CSNK2A1: variants seen among roughly 807,000 people sequenced by gnomAD.
The protein encoded by CSNK2A1 is casein kinase 2 alpha 1.
CSNK2A1 carries 10 observed loss-of-function variants against 62.9 expected under a neutral mutation model. That is an observed-to-expected ratio of 0.16 (90% CI 0.10 to 0.27). CSNK2A1 has a LOEUF of 0.27. Among genes scored for constraint, CSNK2A1 ranks in the 10% least tolerant of loss-of-function variants. CSNK2A1 has a pLI of 1.00. For synonymous variants in CSNK2A1, 124 were observed against 167.8 expected, an observed-to-expected ratio of 0.74 and a Z score of 2.02; for missense variants, 160 against 492.0, an observed-to-expected ratio of 0.33 and a Z score of 6.38.
chr20:500,480 A>C (rs748660351), intron 4 of CSNK2A1: 3 of 160,458 alleles, frequency 1.9e-5, no homozygotes, highest in African/African-American at 7.2e-5. Flanking sequence ...GGCAAACTAC[A>C]TAACCTCTCT....
rs1454201575 is a variant in CSNK2A1 at position 484,054 on chromosome 20, A to T, written c.1083T>A (p.Pro361=). The change falls in exon 14 of 14, where the codon CCT becomes CCA. Residue 361 remains proline (P), a synonymous_variant. Coordinates refer to ENST00000217244, the MANE Select transcript of CSNK2A1 (RefSeq NM_177559.3). ...MMSGISSVPT[P]SPLGPLAGSP... ...AGCCTGCCAGAGGTCCAAGGGGTGA[A>T]GGGGTTGGCACTGAAGAAATCCCTG... The T allele has an allele frequency of 2.5e-6, 4 of 1,609,842 alleles. No homozygotes were observed.
chr20:510,359 G>A (rs971652552), intron 2 of CSNK2A1: 1 of 152,008 alleles, frequency 6.6e-6, no homozygotes, highest in Non-Finnish European at 1.5e-5. Context: ...ATTTTTAGTA[G>A]AGATAGGGTT....
At position 505,100 on chromosome 20, in the gene CSNK2A1, A is replaced by G. The variant is rs1182089170; in HGVS notation, c.213+18T>C. 1 of 1,586,448 alleles carries G rather than the reference A, an allele frequency of 6.3e-7. No individual in the cohort carries two copies. Among genetic ancestry groups the G allele is most frequent in the Non-Finnish European group, 8.6e-7 (1 of 1,165,954 alleles). ...AATCTATATTCCAAATACCTCTGAA[A>G]TTATCTCTTGTACTCACCTTGAGAA... On this transcript the variant is annotated intron_variant, in intron 4 of 13. Coordinates refer to ENST00000217244, the MANE Select transcript of CSNK2A1 (RefSeq NM_177559.3).
At chr20:502,635 G>T (rs1348238135) in intron 4 of CSNK2A1, 1 of 152,104 alleles carries the variant, frequency 6.6e-6, no homozygotes, top group African/African-American at 2.4e-5. Context: ...AATACAGTTA[G>T]AAAGACTGAG....
chr20:489,505 G>C (rs1471257438), intron 10 of CSNK2A1: 1 of 409,912 alleles, frequency 2.4e-6, no homozygotes, highest in Non-Finnish European at 4.3e-6. Context: ...CCATATTGGA[G>C]ATAAGGGTTT....
Position 526,170 on chromosome 20 carries a change from T to C in CSNK2A1, c.-110+1763A>G, listed in dbSNP as rs574072913. 8.9e-4 allele frequency among the ~76,000 whole-genome samples: 135 copies of C among 151,592 alleles called. 1 individual carries two copies. Among genetic ancestry groups the C allele is most frequent in the African/African-American group, 2.0e-3 (83 of 41,408 alleles). ...AAACAAAGAGGATCCACAATACCAA[T>C]TGAGTCTTTAAAAATGCTCGTGCTG... On this transcript the variant is annotated intron_variant, in intron 2 of 13. Transcript: ENST00000217244.
intron 2 of CSNK2A1, among the ~76,000 whole-genome samples, chr20:523,495 A>G (rs576726793): frequency 1.3e-5 from 2 of 152,374 alleles, no homozygotes; most frequent in South Asian, 2.1e-4. Context: ...TACACACACA[A>G]TAACTTTGAT....
chr20:493,585 G>C (rs1048078756), intron 8 of CSNK2A1, among the ~76,000 whole-genome samples: 2 of 152,126 alleles, frequency 1.3e-5, no homozygotes, highest in African/African-American at 4.8e-5. Context: ...CATAACTACA[G>C]TACAATATCA....
chr20:478,758 T>G lies in CSNK2A1; in HGVS notation c.*5203A>C. The G allele has an allele frequency of 4.3e-6, 1 of 234,930 alleles. No individual in the cohort carries two copies. The highest frequency in any genetic ancestry group is 8.3e-6 in the Non-Finnish European group (1 of 119,794). 14.6% of individuals were successfully genotyped at this position (234,930 alleles called of 1,614,324 possible). ...GCCTGGGCAACACGGCAAAACTTCA[T>G]CTCTACCAAAAAAAAAAAAAAAAAA... On this transcript the variant is annotated 3_prime_UTR_variant, in exon 14 of 14. Coordinates refer to ENST00000217244, the MANE Select transcript of CSNK2A1 (RefSeq NM_177559.3).
At chr20:525,681 A>G (rs2019069608) in intron 2 of CSNK2A1, among the ~76,000 whole-genome samples, 1 of 146,202 alleles carries the variant, frequency 6.8e-6, no homozygotes, top group African/African-American at 2.5e-5. Context: ...AAAAAAAATA[A>G]TAATAATTAG....
Position 483,779 on chromosome 20 carries a change from G to T in CSNK2A1, c.*182C>A. ...GAAAAGTTCGAGTTAAAAAAAAAAA[G>T]AAAAAAGAAAATCAGCCTATTATAA... On this transcript the variant is annotated 3_prime_UTR_variant, in exon 14 of 14. Transcript: ENST00000217244. 1.0e-5 allele frequency: 4 copies of T among 398,772 alleles called. No individual in the cohort carries two copies. Among genetic ancestry groups the T allele is most frequent in the African/African-American group, 2.1e-5 (1 of 47,906 alleles). 24.7% of individuals were successfully genotyped at this position (398,772 alleles called of 1,614,324 possible). A position where few individuals can be genotyped will look rare whatever the true frequency, so the allele number is the denominator to read the frequency against.
chr20:499,294 G>A lies in CSNK2A1; in HGVS notation c.327C>T (p.Pro109=), dbSNP rs748989716. 36 of 1,607,072 alleles carry A rather than the reference G, an allele frequency of 2.2e-5. No individual in the cohort carries two copies. Among genetic ancestry groups the A allele is most frequent in the African/African-American group, 2.7e-5 (2 of 74,698 alleles). Residue 109 remains proline (P), a synonymous_variant, in exon 6 of 14, where the codon CCC becomes CCT. Coordinates refer to ENST00000217244, the MANE Select transcript of CSNK2A1 (RefSeq NM_177559.3). This position sits in a 1 kb window ranked among gnomAD's most constrained non-coding sequence, Gnocchi z 4.2. ...TGTTTACGTGTTCAAAAACCAAGGC[G>A]GGGGTTCGTGACTAGGGGAAAAGAA... is the stretch of plus-strand genomic sequence containing the variant. ...DIVKDPVSRT[P]ALVFEHVNNT...
At chr20:533,095 T>G (rs2019247404) in intron 1 of CSNK2A1, among the ~76,000 whole-genome samples, 1 of 152,290 alleles carries the variant, frequency 6.6e-6, no homozygotes, top group Non-Finnish European at 1.5e-5. Flanking sequence ...GTGTTTTTGT[T>G]TTTTCAAGTG....
At chr20:509,188 A>G (rs1288370324) in intron 2 of CSNK2A1, among the ~76,000 whole-genome samples, 2 of 152,210 alleles carry the variant, frequency 1.3e-5, no homozygotes, top group African/African-American at 2.4e-5. Flanking sequence ...TACCAATCCA[A>G]ATCTTTTGGG....
chr20:489,319 A>G (rs1004956070), intron 10 of CSNK2A1: 2 of 187,990 alleles, frequency 1.1e-5, no homozygotes, highest in African/African-American at 4.7e-5. Flanking sequence ...AGGGAACAAG[A>G]CAATGGTACC....
At chr20:487,211 T>A in intron 12 of CSNK2A1, 1 of 626,858 alleles carries the variant, frequency 1.6e-6, no homozygotes, top group East Asian at 2.8e-5. Context: ...ATGAAAAGAG[T>A]TTATTTAGGA....
intron 2 of CSNK2A1, among the ~76,000 whole-genome samples, chr20:524,043 T>C (rs1475220945): frequency 6.6e-6 from 1 of 151,690 alleles, no homozygotes; most frequent in Non-Finnish European, 1.5e-5. Context: ...TAGAACAGTA[T>C]ACACAAAAAG....
intron 1 of CSNK2A1, among the ~76,000 whole-genome samples, chr20:529,762 C>A (rs2019172482): frequency 6.6e-6 from 1 of 152,106 alleles, no homozygotes; most frequent in Admixed American, 6.5e-5. Context: ...AAAGTTATGA[C>A]CGCAGTATGT....
intron 1 of CSNK2A1, among the ~76,000 whole-genome samples, chr20:538,983 T>C (rs756784149): frequency 4.6e-5 from 7 of 152,184 alleles, no homozygotes; most frequent in Non-Finnish European, 1.0e-4. Context: ...AATAATAATA[T>C]TCAAACATCA....
Sources: gnomAD v4.1 joint callset for allele counts (sites outside exome capture counted in the v4.1 genomes callset) on GRCh38, gnomAD v4.1.1 for gene constraint, Gnocchi (gnomAD v3.1) non-coding constraint, MANE v1.5 for transcripts, NCBI Gene and HGNC (gene_info 2026-07-23, HGNC 2026-07-21) for gene names.